TEX35: variants seen among roughly 807,000 people sequenced by gnomAD.
The protein encoded by TEX35 is testis expressed 35.
In TEX35, 26 loss-of-function variants were observed where a neutral mutation model predicts 31.9. The observed-to-expected ratio is 0.81, with a 90% CI of 0.60 to 1.13. The LOEUF is 1.13. Ranked by LOEUF, TEX35 falls within the 50% of genes most tolerant of loss-of-function variation. The pLI is 0.00. For missense variants in TEX35, 278 were observed against 273.5 expected, an observed-to-expected ratio of 1.02 and a Z score of -0.12; for synonymous variants, 87 against 90.7, an observed-to-expected ratio of 0.96 and a Z score of 0.23.
At chr1:178,514,612 C>A in intron 2 of TEX35, 88 bp from the exon 3 acceptor site, 2 of 1,345,738 alleles carry the variant, frequency 1.5e-6, no homozygotes, top group Non-Finnish European at 2.1e-6. Flanking sequence ...AAGGGAGGAA[C>A]AGAAACACAG....
chr1:178,514,058 T>A lies in TEX35; in HGVS notation c.71T>A (p.Leu24Ter). The change falls in exon 2 of 9, where the codon TTG becomes TAG. Residue 24 changes from leucine (L) to a stop codon, truncating the protein, a stop_gained. Transcript: ENST00000319416. LOFTEE classifies it high-confidence loss of function. The stretch of plus-strand genomic sequence containing the variant: ...AACTACAAGGCAGTTTGCCTGGAAT[T>A]GAAGCCAGAGCCGACCAAAGTAAGA... The part of the protein sequence containing the change: ...SKNYKAVCLE[L>*]KPEPTKTFDY... 6.2e-7 allele frequency: 1 copy of A among 1,614,186 alleles called. No homozygotes were observed. Among genetic ancestry groups the A allele is most frequent in the Non-Finnish European group, 8.5e-7 (1 of 1,180,046 alleles).
downstream of TEX35, among the ~76,000 whole-genome samples, chr1:178,522,949 C>G (rs182431579): frequency 1.3e-5 from 2 of 152,286 alleles, no homozygotes; most frequent in Admixed American, 1.3e-4. Context: ...CCCCCAAGCC[C>G]CTGACTACCC....
At chr1:178,517,491 T>C (rs1051921679) in intron 5 of TEX35, among the ~76,000 whole-genome samples, 3 of 152,202 alleles carry the variant, frequency 2.0e-5, no homozygotes, top group Admixed American at 2.0e-4. Context: ...CAGCAGTTAC[T>C]AACCTTGGCT....
chr1:178,514,817 G>GT, intron 3 of TEX35, 49 bp downstream of exon 3: 1 of 1,539,874 alleles, frequency 6.5e-7, no homozygotes, highest in South Asian at 1.2e-5. Context: ...CCACGTGAGT[G>GT]TAAGTTTTCC....
At chr1:178,521,429 T>A in intron 8 of TEX35, 165 bp downstream of exon 8, 1 of 1,035,750 alleles carries the variant, frequency 9.7e-7, no homozygotes, top group Non-Finnish European at 1.5e-6. Context: ...ATACAGGATG[T>A]GGCACCAGGA....
chr1:178,521,016 G>A lies in TEX35; in HGVS notation c.543+142G>A, dbSNP rs989293553. On this transcript the variant is annotated intron_variant, in intron 7 of 8. Coordinates refer to ENST00000319416, the MANE Select transcript of TEX35 (RefSeq NM_032126.5). ...ACTTCTGGGTGCCGCCCGAGCCTGCGCCCTCCCTGACCTGCCTTGCCTTCT... is the reference window on the plus strand; with the variant it reads ...ACTTCTGGGTGCCGCCCGAGCCTGCACCCTCCCTGACCTGCCTTGCCTTCT... The A allele has an allele frequency of 2.5e-5, 39 of 1,538,052 alleles. No individual in the cohort carries two copies. In the African/African-American group the frequency reaches 2.6e-4, roughly 10 times the overall value.
downstream of TEX35, chr1:178,522,782 C>A (rs1442337740): frequency 4.4e-6 from 2 of 457,986 alleles, no homozygotes; most frequent in South Asian, 6.9e-5. Flanking sequence ...AATGGGGTAT[C>A]CATCCCTTCA....
chr1:178,520,306 G>C, intron 5 of TEX35, 66 bp from the exon 6 acceptor site: 1 of 1,500,552 alleles, frequency 6.7e-7, no homozygotes, highest in Non-Finnish European at 9.2e-7. Context: ...TTTGCAGAGA[G>C]GCAGGAGGAA....
intron 2 of TEX35, 142 bp downstream of exon 2, chr1:178,514,219 A>C (rs766279123): frequency 3.2e-6 from 5 of 1,562,780 alleles, no homozygotes; most frequent in Non-Finnish European, 4.3e-6. Context: ...TCTTGCTCTC[A>C]TAGAACTTCA....
At chr1:178,521,482 C>T (rs1650275156) in intron 8 of TEX35, 2 of 1,039,646 alleles carry the variant, frequency 1.9e-6, no homozygotes, top group African/African-American at 1.6e-5. Flanking sequence ...CTGCCTGGGG[C>T]TCCCATGGTG....
intron 2 of TEX35, among the ~76,000 whole-genome samples, chr1:178,514,381 A>G (rs1045005434): frequency 1.3e-5 from 2 of 152,162 alleles, no homozygotes; most frequent in African/African-American, 4.8e-5. Context: ...GCTGAAGGAC[A>G]AGACTCTGGC....
chr1:178,522,186 C>G, intron 8 of TEX35, 139 bp from the exon 9 acceptor site: 3 of 1,214,274 alleles, frequency 2.5e-6, no homozygotes, highest in Non-Finnish European at 3.4e-6. Flanking sequence ...TCTGCCTGCA[C>G]CACACCCCTC....
Position 178,513,387 on chromosome 1 carries a change from G to A in TEX35, c.39+160G>A, listed in dbSNP as rs2101892086. 5 of 969,344 alleles carry A rather than the reference G, an allele frequency of 5.2e-6. No individual in the cohort carries two copies. In the East Asian group the frequency reaches 1.1e-4, roughly 21 times the overall value. The allele number at this position is 969,344 out of a possible 1,614,324, so 60.0% of individuals were successfully genotyped here. ...AGCCTCTCAGTCTGGAAGGGGTGTG[G>A]GATTAATCCCTAGCCTTGGGGGTGG... On this transcript the variant is annotated intron_variant, in intron 1 of 8. Coordinates refer to ENST00000319416, the MANE Select transcript of TEX35 (RefSeq NM_032126.5).
intron 8 of TEX35, chr1:178,521,560 G>A (rs1286485951): frequency 1.4e-6 from 2 of 1,453,786 alleles, no homozygotes; most frequent in Admixed American, 3.9e-5. Context: ...CCATCCAGTG[G>A]GAAATATTCA....
chr1:178,521,573 C>G (rs1349764393), intron 8 of TEX35: 2 of 1,506,884 alleles, frequency 1.3e-6, no homozygotes, highest in African/African-American at 2.8e-5. Flanking sequence ...AATATTCACA[C>G]CAGGTCTGGG....
Position 178,514,186 on chromosome 1 carries a change from G to A in TEX35, c.90+109G>A, listed in dbSNP as rs1463617822. On this transcript the variant is annotated intron_variant, in intron 2 of 8. Transcript: ENST00000319416. ...TCCTAGTGGCCAAGATTTGTCCCAG[G>A]TGCTGGGGGATGCACTGAGAGTTCT... 3.8e-6 allele frequency: 6 copies of A among 1,596,978 alleles called. 1 individual carries two copies. In the Admixed American group the frequency reaches 1.0e-4, roughly 28 times the overall value.
intron 1 of TEX35, 31 bp from the exon 2 acceptor site, chr1:178,513,996 C>A: frequency 6.2e-7 from 1 of 1,611,366 alleles, no homozygotes; most frequent in Non-Finnish European, 8.5e-7. Flanking sequence ...TGATGTCTGC[C>A]AGCCTGAATC....
chr1:178,520,809 ACGATG>A lies in TEX35; in HGVS notation c.479_483del (p.Thr160SerfsTer70), dbSNP rs1472785282. On this transcript the variant is annotated frameshift_variant, in exon 7 of 9. Transcript: ENST00000319416. LOFTEE classifies it high-confidence loss of function. ...AGCACCCTGTGCTCTTCACAAGAAG[ACGATG>A]GCACCACAAAAAACAAAACAGGGCT... The A allele has an allele frequency of 6.2e-7, 1 of 1,614,048 alleles. No individual in the cohort carries two copies. The highest frequency in any genetic ancestry group is 8.5e-7 in the Non-Finnish European group (1 of 1,180,038).
In TEX35 at chr1:178,520,875, G is replaced by C; in HGVS notation, c.543+1G>C. The C allele has an allele frequency of 6.2e-7, 1 of 1,614,024 alleles. No individual in the cohort carries two copies. Among genetic ancestry groups the C allele is most frequent in the Non-Finnish European group, 8.5e-7 (1 of 1,180,016 alleles). ...CCTTCATCACTGTGGGACCTGCTGC[G>C]TAAGTGAAACCCTGCCCGAGCCCAG... is the stretch of plus-strand genomic sequence containing the variant. On this transcript the variant is annotated splice_donor_variant, in intron 7 of 8. Transcript: ENST00000319416. LOFTEE classifies it high-confidence loss of function.
Sources: gnomAD v4.1 joint callset for allele counts (sites outside exome capture counted in the v4.1 genomes callset) on GRCh38, gnomAD v4.1.1 for gene constraint, MANE v1.5 for transcripts, NCBI Gene and HGNC (gene_info 2026-07-23, HGNC 2026-07-21) for gene names.